The following ABCC2 variants were observed in gnomAD, a reference collection of about 807,000 sequenced individuals.
ABCC2 encodes the protein ATP-binding cassette sub-family C member 2.
In ABCC2, 157 loss-of-function variants were observed where a neutral mutation model predicts 173.4. The ratio of observed to expected loss-of-function variants is 0.91; its 90% CI spans 0.80 to 1.03. The LOEUF is 1.03. ABCC2 is among the 50% of genes least tolerant of loss of function. The probability of loss-of-function intolerance (pLI) is 0.00; values close to 1 mark genes in which losing one functional copy is unlikely to be tolerated. For synonymous variants in ABCC2, 657 were observed against 693.5 expected (o/e 0.95, Z 0.83); for missense variants, 1,822 against 1,852.3 (o/e 0.98, Z 0.30).
At chr10:99,808,563 G>C (rs1231008901) in intron 13 of ABCC2, among the ~76,000 whole-genome samples, 1 of 152,148 alleles carries the variant, frequency 6.6e-6, no homozygotes, top group Non-Finnish European at 1.5e-5. Flanking sequence ...CAAGGCTCTT[G>C]AGGTGTTGAG....
chr10:99,808,267 G>A, intron 13 of ABCC2, 38 bp downstream of exon 13: 1 of 1,612,034 alleles, frequency 6.2e-7, no homozygotes, highest in Non-Finnish European at 8.5e-7. Flanking sequence ...CCTGTCTCTG[G>A]TTAAAAGCCT....
chr10:99,805,233 A>G, intron 10 of ABCC2, 149 bp from the exon 11 acceptor site: 1 of 683,032 alleles, frequency 1.5e-6, no homozygotes, highest in Non-Finnish European at 2.7e-6. Context: ...CAAAGAGGAG[A>G]GTGGAGGGAG....
chr10:99,814,661 G>A (rs1486919336), intron 16 of ABCC2, among the ~76,000 whole-genome samples: 1 of 126,910 alleles, frequency 7.9e-6, no homozygotes. Flanking sequence ...ACACACATAT[G>A]TGTATATACA....
At chr10:99,845,135 T>C (rs988923799) in intron 28 of ABCC2, among the ~76,000 whole-genome samples, 1 of 152,124 alleles carries the variant, frequency 6.6e-6, no homozygotes, top group African/African-American at 2.4e-5. Flanking sequence ...GTTCAAGTGA[T>C]TTTTCTGACT....
At chr10:99,811,709 T>C (rs988765899) in intron 15 of ABCC2, 107 bp downstream of exon 15, 16 of 1,287,490 alleles carry the variant, frequency 1.2e-5, no homozygotes, top group Non-Finnish European at 1.8e-5. Context: ...GCTATGTGCA[T>C]GTCTTCGGTT....
At chr10:99,850,489 A>C in intron 30 of ABCC2, 113 bp from the exon 31 acceptor site, 1 of 1,050,932 alleles carries the variant, frequency 9.5e-7, no homozygotes, top group Non-Finnish European at 1.4e-6. Flanking sequence ...TTCCAGGGGA[A>C]TTTTGGAGGG....
At position 99,793,887 on chromosome 10, in the gene ABCC2, C is replaced by T. The variant is rs538587379; in HGVS notation, c.469-5C>T. On this transcript the variant is annotated splice_polypyrimidine_tract_variant and splice_region_variant and intron_variant, in intron 4 of 31. Coordinates refer to ENST00000647814, the MANE Select transcript of ABCC2 (RefSeq NM_000392.5). ...CATTTTTCCTCTTTGTTTTTTTCCT[C>T]ATAGGGTGACAATTCTAATCTAGCC... The T allele has an allele frequency of 1.5e-5, 24 of 1,611,106 alleles. No homozygotes were observed. Among genetic ancestry groups the T allele is most frequent in the Non-Finnish European group, 2.0e-5 (23 of 1,177,506 alleles).
At chr10:99,818,553 A>T (rs766980937) in intron 17 of ABCC2, among the ~76,000 whole-genome samples, 4 of 152,258 alleles carry the variant, frequency 2.6e-5, no homozygotes, top group African/African-American at 7.2e-5. Context: ...GGTGACAAGC[A>T]ACAAAACTAT....
intron 29 of ABCC2, 133 bp downstream of exon 29, chr10:99,845,915 G>C: frequency 9.7e-7 from 1 of 1,029,186 alleles, no homozygotes. Context: ...ACTTGAGCTA[G>C]TTCCCTAGGA....
Position 99,797,243 on chromosome 10 carries a change from G to T in ABCC2, c.779G>T (p.Arg260Leu), listed in dbSNP as rs141855755. 2 of 1,613,948 alleles carry T rather than the reference G, an allele frequency of 1.2e-6. No homozygotes were observed. Among genetic ancestry groups the T allele is most frequent in the African/African-American group, 2.7e-5 (2 of 74,924 alleles). ...LQKARRALQR[R>L]QEKSSQQNSG... ...AAAGCCAGGCGGGCACTCCAGAGAC[G>T]GCAGGAGAAGAGCTCCCAGCAGAAC... Residue 260 changes from arginine to leucine, a missense_variant, in exon 7 of 32, where the codon CGG becomes CTG. By Grantham distance (102) the Arg-to-Leu change is moderately radical (BLOSUM62 -2). Transcript: ENST00000647814.
Position 99,830,447 on chromosome 10 carries a change from T to G in ABCC2, c.2747+14T>G. The G allele has an allele frequency of 1.9e-6, 3 of 1,614,182 alleles. No individual in the cohort carries two copies. The highest frequency in any genetic ancestry group is 2.5e-6 in the Non-Finnish European group (3 of 1,180,022). On this transcript the variant is annotated intron_variant, in intron 20 of 31. Transcript: ENST00000647814. Reference sequence around the variant, plus strand: ...ACTTAGCCGCAGGTTGGCTATCTATTCAGCTGGCAGCCCTCGTCAGCTCTA... The same window carrying G: ...ACTTAGCCGCAGGTTGGCTATCTATGCAGCTGGCAGCCCTCGTCAGCTCTA...
intron 19 of ABCC2, among the ~76,000 whole-genome samples, chr10:99,828,917 C>T (rs2038691309): frequency 6.6e-6 from 1 of 151,582 alleles, no homozygotes; most frequent in Non-Finnish European, 1.5e-5. Flanking sequence ...GACATGTGCA[C>T]AGCTCTGCAT....
chr10:99,785,242 C>T (rs954322714), intron 2 of ABCC2, among the ~76,000 whole-genome samples: 3 of 152,206 alleles, frequency 2.0e-5, no homozygotes, highest in African/African-American at 4.8e-5. Context: ...CCATTTTCCC[C>T]GCATATTTGA....
At chr10:99,844,655 A>T (rs1215585887) in intron 28 of ABCC2, among the ~76,000 whole-genome samples, 190 bp downstream of exon 28, 1 of 152,154 alleles carries the variant, frequency 6.6e-6, no homozygotes, top group Admixed American at 6.5e-5. Context: ...GATCACACAG[A>T]CTTACCGCAG....
At chr10:99,811,128 C>T (rs2038205124) in intron 14 of ABCC2, among the ~76,000 whole-genome samples, 2 of 151,762 alleles carry the variant, frequency 1.3e-5, no homozygotes, top group Non-Finnish European at 2.9e-5. Flanking sequence ...TCCAAGAGTT[C>T]GAGACTAGCC....
intron 17 of ABCC2, 28 bp downstream of exon 17, chr10:99,817,512 G>A: frequency 6.2e-7 from 1 of 1,612,042 alleles, no homozygotes; most frequent in Non-Finnish European, 8.5e-7. Context: ...GGATCTTCAA[G>A]GGTGAAGGCA....
chr10:99,809,608 A>C (rs1407040085), intron 13 of ABCC2, among the ~76,000 whole-genome samples: 1 of 152,198 alleles, frequency 6.6e-6, no homozygotes, highest in Non-Finnish European at 1.5e-5. Flanking sequence ...GTGCCTCGAA[A>C]TCTTCTCAAG....
At chr10:99,827,239 G>A (rs74739182) in intron 19 of ABCC2, among the ~76,000 whole-genome samples, 559 of 106,406 alleles carry the variant, frequency 5.3e-3, no homozygotes, top group South Asian at 9.6e-3. Context: ...TGAGGTTGTA[G>A]TGTTACGGGC....
intron 7 of ABCC2, among the ~76,000 whole-genome samples, chr10:99,798,253 C>G (rs1421560443): frequency 6.6e-6 from 1 of 151,962 alleles, no homozygotes; most frequent in Non-Finnish European, 1.5e-5. Flanking sequence ...GTTGTCCTGG[C>G]AAGGGAGACC....
Sources: gnomAD v4.1 joint callset for allele counts (sites outside exome capture counted in the v4.1 genomes callset) on GRCh38, gnomAD v4.1.1 for gene constraint, MANE v1.5 for transcripts, NCBI Gene and HGNC (gene_info 2026-07-23, HGNC 2026-07-21) for gene names.